The following AUTS2 variants were observed in gnomAD, a reference collection of about 807,000 sequenced individuals.
The protein encoded by AUTS2 is autism susceptibility gene 2 protein.
In AUTS2, 17 loss-of-function variants were observed where a neutral mutation model predicts 112.4. The ratio of observed to expected loss-of-function variants is 0.15; its 90% confidence interval spans 0.10 to 0.23. AUTS2 has a LOEUF of 0.23. Ranked by LOEUF, AUTS2 falls within the 10% of genes least tolerant of loss-of-function variation. The probability of loss-of-function intolerance (pLI) is 1.00; values close to 1 mark genes in which losing one functional copy is unlikely to be tolerated. For synonymous variants in AUTS2, 751 were observed against 702.7 expected (o/e 1.07, Z -1.09); for missense variants, 1,510 against 1,701.6 (o/e 0.89, Z 1.98).
chr7:69,670,543 T>A (rs554701120), intron 1 of AUTS2, among the ~76,000 whole-genome samples: 2 of 129,098 alleles, frequency 1.5e-5, no homozygotes, highest in South Asian at 2.6e-4. Context: ...GGTTGTTTTT[T>A]ACTTGATCCC....
At chr7:69,808,619 T>C (rs1005855515) in intron 1 of AUTS2, among the ~76,000 whole-genome samples, 2 of 152,200 alleles carry the variant, frequency 1.3e-5, no homozygotes, top group Non-Finnish European at 2.9e-5. Context: ...CCCTTAGCTT[T>C]TTTTCTGTTG....
chr7:70,339,158 C>A (rs1459225577), intron 4 of AUTS2, among the ~76,000 whole-genome samples: 1 of 152,042 alleles, frequency 6.6e-6, no homozygotes, highest in Non-Finnish European at 1.5e-5. Flanking sequence ...CCACCGCGCC[C>A]GGCCTGGCCT....
intron 4 of AUTS2, among the ~76,000 whole-genome samples, chr7:70,352,081 T>C (rs565705083): frequency 6.6e-6 from 1 of 152,336 alleles, no homozygotes; most frequent in Admixed American, 6.5e-5. Flanking sequence ...AAATATTTAA[T>C]CTTCATAACA....
At chr7:69,927,186 T>TTTTATATA (rs369873035) in intron 2 of AUTS2, among the ~76,000 whole-genome samples, 7 of 142,410 alleles carry the variant, frequency 4.9e-5, no homozygotes, top group South Asian at 2.2e-4. Flanking sequence ...TCCAATATAT[T>TTTTATATA]TATATATATA....
intron 2 of AUTS2, among the ~76,000 whole-genome samples, chr7:69,970,755 A>C (rs1382722228): frequency 6.6e-6 from 1 of 152,200 alleles, no homozygotes; most frequent in Non-Finnish European, 1.5e-5. Context: ...GTATATACAT[A>C]ATACACCTTA....
At chr7:70,761,391 A>G (rs1340530073) in intron 6 of AUTS2, among the ~76,000 whole-genome samples, 1 of 152,250 alleles carries the variant, frequency 6.6e-6, no homozygotes, top group Non-Finnish European at 1.5e-5. Flanking sequence ...GTTTGATACA[A>G]TGAGGTAAGA....
intron 1 of AUTS2, among the ~76,000 whole-genome samples, chr7:69,829,976 G>A (rs1791425316): frequency 6.6e-6 from 1 of 152,082 alleles, no homozygotes; most frequent in African/African-American, 2.4e-5. Flanking sequence ...GCAAAGACAG[G>A]GAACTAACCC....
At chr7:70,513,166 T>G (rs1278764522) in intron 5 of AUTS2, among the ~76,000 whole-genome samples, 1 of 152,202 alleles carries the variant, frequency 6.6e-6, no homozygotes, top group African/African-American at 2.4e-5. Flanking sequence ...TTGCCTTCAT[T>G]TGACAACTTG....
intron 5 of AUTS2, among the ~76,000 whole-genome samples, chr7:70,582,292 T>C (rs1802487724): frequency 6.6e-6 from 1 of 152,182 alleles, no homozygotes; most frequent in Non-Finnish European, 1.5e-5. Context: ...TCCATCCACA[T>C]CCTCTCCCTT....
chr7:70,258,554 G>A (rs1787001986), intron 4 of AUTS2, among the ~76,000 whole-genome samples: 1 of 152,138 alleles, frequency 6.6e-6, no homozygotes, highest in South Asian at 2.1e-4. Flanking sequence ...CCATGTGTGA[G>A]GCAAGGGACT....
At chr7:70,272,143 A>G (rs1319347383) in intron 4 of AUTS2, among the ~76,000 whole-genome samples, 1 of 152,110 alleles carries the variant, frequency 6.6e-6, no homozygotes, top group Non-Finnish European at 1.5e-5. Context: ...GTCTGATGTT[A>G]TGTATGAAAG....
At chr7:70,340,745 T>C (rs1387030040) in intron 4 of AUTS2, among the ~76,000 whole-genome samples, 1 of 152,262 alleles carries the variant, frequency 6.6e-6, no homozygotes, top group Non-Finnish European at 1.5e-5. Flanking sequence ...AGAGAATCTC[T>C]AGTATTTCAT....
At chr7:70,105,101 ATGGGTTCTAGTCTTGACTC>A (rs1195217083) in intron 2 of AUTS2, among the ~76,000 whole-genome samples, 2 of 152,156 alleles carry the variant, frequency 1.3e-5, no homozygotes, top group African/African-American at 4.8e-5. Context: ...TACTGCTGGC[ATGGGTTCTAGTCTTGACTC>A]TGCTGTTTCA....
intron 3 of AUTS2, among the ~76,000 whole-genome samples, chr7:70,132,231 ACT>A (rs913152688): frequency 1.3e-5 from 2 of 150,920 alleles, no homozygotes; most frequent in Admixed American, 6.6e-5. Flanking sequence ...CTGATACGAG[ACT>A]CTGTATGCTT....
intron 2 of AUTS2, among the ~76,000 whole-genome samples, chr7:70,022,928 T>C (rs1368341867): frequency 6.6e-6 from 1 of 152,174 alleles, no homozygotes; most frequent in Non-Finnish European, 1.5e-5. Context: ...CACAGCTCAC[T>C]GTAACCTCAA....
intron 5 of AUTS2, among the ~76,000 whole-genome samples, chr7:70,580,852 G>A (rs957275762): frequency 3.3e-5 from 5 of 152,110 alleles, no homozygotes; most frequent in South Asian, 4.2e-4. Context: ...CCAGGAGTCC[G>A]CTGAAAATGT....
At chr7:70,661,419 C>A (rs1197969140) in intron 5 of AUTS2, among the ~76,000 whole-genome samples, 2 of 152,098 alleles carry the variant, frequency 1.3e-5, no homozygotes, top group Non-Finnish European at 2.9e-5. Context: ...AGTGAATAGT[C>A]GCTCCCTGTG....
At position 70,789,934 on chromosome 7, in the gene AUTS2, C is replaced by A; in HGVS notation, c.2718C>A (p.Ala906=). 6.2e-7 allele frequency: 1 copy of A among 1,613,966 alleles called. No individual in the cohort carries two copies. The highest frequency in any genetic ancestry group is 8.5e-7 in the Non-Finnish European group (1 of 1,180,002). The part of the protein sequence containing the change: ...DHSESRKDLA[A]DEHKAKEGHL... The stretch of plus-strand genomic sequence containing the variant: ...CGGAATCCCGCAAGGACCTGGCCGC[C>A]GACGAGCACAAGGCGAAAGAGGGCC... The change falls in exon 19 of 19, where the codon GCC becomes GCA. Residue 906 remains alanine, a synonymous_variant. Coordinates refer to ENST00000342771, the MANE Select transcript of AUTS2 (RefSeq NM_015570.4).
chr7:69,744,789 C>T (rs978098205), intron 1 of AUTS2, among the ~76,000 whole-genome samples: 4 of 152,076 alleles, frequency 2.6e-5, no homozygotes, highest in African/African-American at 4.8e-5. Context: ...ATAATCACAC[C>T]GCTGCACTCC....
Sources: allele counts gnomAD v4.1 joint callset (sites outside exome capture counted in the v4.1 genomes callset), GRCh38; gene constraint gnomAD v4.1.1; transcripts MANE v1.5; gene names NCBI Gene and HGNC (gene_info 2026-07-23, HGNC 2026-07-21).